Variants in PRKD3 observed in about 807,000 individuals in gnomAD.
PRKD3 encodes protein kinase D3, also known as serine/threonine-protein kinase D3.
PRKD3 carries 47 observed loss-of-function variants against 99.2 expected under a neutral mutation model. That is an observed-to-expected ratio of 0.47 (90% CI 0.38 to 0.60). The LOEUF is 0.60. PRKD3 is among the 20% of genes least tolerant of loss of function. The pLI is 0.00. For synonymous variants in PRKD3, 392 were observed against 355.4 expected (o/e 1.10, Z -1.16); for missense variants, 1,019 against 1,088.4 (o/e 0.94, Z 0.90).
chr2:37,318,584 G>C (rs1357409014), intron 1 of PRKD3, among the ~76,000 whole-genome samples: 1 of 152,156 alleles, frequency 6.6e-6, no homozygotes, highest in African/African-American at 2.4e-5. Context: ...TTGAGAAATC[G>C]CACAGAAAGA....
At chr2:37,278,901 A>G (rs1669703669) in intron 8 of PRKD3, 1 of 151,688 alleles carries the variant, frequency 6.6e-6, no homozygotes, top group Non-Finnish European at 1.5e-5. Flanking sequence ...GTGCCACTGC[A>G]CTACAGCCTG....
chr2:37,255,921 G>T (rs1004446049), intron 17 of PRKD3, among the ~76,000 whole-genome samples: 1 of 152,148 alleles, frequency 6.6e-6, no homozygotes, highest in African/African-American at 2.4e-5. Context: ...GGCTGAGGTG[G>T]GAGGATCACT....
Position 37,286,366 on chromosome 2 carries a change from G to C in PRKD3, c.721C>G (p.His241Asp), listed in dbSNP as rs1670094899. ...EYVALPSEESHVHQEPSKRIP... is the reference protein window; with the variant it reads ...EYVALPSEESDVHQEPSKRIP... ...CTCTTACTTGGTTCCTGGTGGACATGTGACTATAACATAAGTAATTTTCAT... is the reference window on the plus strand; with the variant it reads ...CTCTTACTTGGTTCCTGGTGGACATCTGACTATAACATAAGTAATTTTCAT... The change falls in exon 6 of 19, where the codon CAT becomes GAT. Residue 241 changes from histidine (H) to aspartate (D), a missense_variant. By Grantham distance (81) the His-to-Asp change is moderately conservative. Transcript: ENST00000234179. 1.2e-6 allele frequency: 2 copies of C among 1,613,220 alleles called. No individual in the cohort carries two copies. The highest frequency in any genetic ancestry group is 1.7e-6 in the Non-Finnish European group (2 of 1,179,262).
intron 1 of PRKD3, among the ~76,000 whole-genome samples, chr2:37,318,664 G>C (rs1671761470): frequency 2.6e-5 from 4 of 152,170 alleles, no homozygotes; most frequent in Admixed American, 2.6e-4. Context: ...AAGGCATTGA[G>C]AACTGAAACC....
chr2:37,281,187 G>C (rs1669841490), intron 7 of PRKD3, among the ~76,000 whole-genome samples: 1 of 152,058 alleles, frequency 6.6e-6, no homozygotes, highest in Non-Finnish European at 1.5e-5. Context: ...GATTACTAGT[G>C]AGTTTGAACA....
At chr2:37,298,409 T>TTG (rs1191856560) in intron 2 of PRKD3, among the ~76,000 whole-genome samples, 2 of 69,584 alleles carry the variant, frequency 2.9e-5, no homozygotes, top group African/African-American at 1.2e-4. Context: ...ATTAACAAAG[T>TTG]TATTTTTTTT....
intron 8 of PRKD3, chr2:37,278,723 G>C (rs1669694250): frequency 6.6e-6 from 1 of 152,234 alleles, no homozygotes; most frequent in Admixed American, 6.5e-5. Context: ...CAGATCACAA[G>C]GTCAAGAGAT....
chr2:37,301,218 C>G (rs1007316992), intron 2 of PRKD3, among the ~76,000 whole-genome samples: 2 of 151,984 alleles, frequency 1.3e-5, no homozygotes, highest in Non-Finnish European at 2.9e-5. Flanking sequence ...ATCAAAAAAC[C>G]ATAAACAAAA....
At chr2:37,267,375 A>G (rs914348555) in intron 14 of PRKD3, 55 bp downstream of exon 14, 20 of 1,244,746 alleles carry the variant, frequency 1.6e-5, no homozygotes, top group Middle Eastern at 2.8e-4. Flanking sequence ...GAAGCAGTTA[A>G]TTCAGATTCT....
Position 37,260,333 on chromosome 2 carries a change from C to CCAT in PRKD3, c.1935_1936insATG (p.Pro645_Glu646insMet). On this transcript the variant is annotated inframe_insertion, in exon 15 of 19. Transcript: ENST00000234179. Reference sequence around the variant, plus strand: ...TTTTCCATTACTACAAAGACTCGTTCTGGGGTTTCAAACATACATTCCAGG... The same window carrying CCAT: ...TTTTCCATTACTACAAAGACTCGTTCCATTGGGGTTTCAAACATACATTCCAGG... 6.2e-7 allele frequency: 1 copy of CCAT among 1,610,618 alleles called. No individual in the cohort carries two copies. Among genetic ancestry groups the CCAT allele is most frequent in the South Asian group, 1.1e-5 (1 of 90,984 alleles).
intron 1 of PRKD3, chr2:37,317,689 G>C (rs183149140): frequency 6.6e-6 from 1 of 152,076 alleles, no homozygotes; most frequent in Non-Finnish European, 1.5e-5. Flanking sequence ...CTTTCAGAAG[G>C]CTAAGGAAGC....
chr2:37,304,196 TAA>T (rs70949750), intron 2 of PRKD3, among the ~76,000 whole-genome samples: 4,356 of 93,884 alleles, frequency 0.046, 66 homozygotes, highest in Non-Finnish European at 0.064. Flanking sequence ...AGGTACTTAC[TAA>T]AAAAAAAAAA....
At chr2:37,289,569 G>A in intron 4 of PRKD3, 56 bp from the exon 5 acceptor site, 3 of 1,382,818 alleles carry the variant, frequency 2.2e-6, no homozygotes, top group Admixed American at 4.3e-5. Flanking sequence ...TACTATTTAA[G>A]TGTGATACAT....
chr2:37,306,148 T>A (rs948899843), intron 2 of PRKD3, among the ~76,000 whole-genome samples: 1 of 150,550 alleles, frequency 6.6e-6, no homozygotes, highest in Non-Finnish European at 1.5e-5. Context: ...GCATGAACAA[T>A]CACTGTAAGA....
In PRKD3 at chr2:37,317,017, A is replaced by T. The variant is rs2124904587; in HGVS notation, c.-493T>A. ...ACTAATTTGATAGGACACCTTCTCA[A>T]ATGTCCACACCTTAAATCACCTTCT... On this transcript the variant is annotated 5_prime_UTR_variant, in exon 2 of 19. It adds an upstream start codon to the 5' untranslated region. Transcript: ENST00000234179. 1.0e-6 allele frequency: 1 copy of T among 986,898 alleles called. No individual in the cohort carries two copies. The highest frequency in any genetic ancestry group is 6.1e-5 in the Admixed American group (1 of 16,464). 61.1% of individuals were successfully genotyped at this position (986,898 alleles called of 1,614,324 possible). A position where few individuals can be genotyped will look rare whatever the true frequency, so the allele number is the denominator to read the frequency against.
chr2:37,300,513 C>T (rs912352952), intron 2 of PRKD3, among the ~76,000 whole-genome samples: 9 of 152,096 alleles, frequency 5.9e-5, no homozygotes, highest in Middle Eastern at 3.2e-3. Flanking sequence ...TTCAAAATAA[C>T]TAGAAGAGTA....
At chr2:37,308,553 C>A (rs1243682221) in intron 2 of PRKD3, among the ~76,000 whole-genome samples, 2 of 123,766 alleles carry the variant, frequency 1.6e-5, no homozygotes, top group Non-Finnish European at 3.2e-5. Flanking sequence ...ACCCAGAGTT[C>A]AAGCGATTCT....
chr2:37,286,616 T>C (rs1250718065), intron 5 of PRKD3, among the ~76,000 whole-genome samples: 1 of 152,212 alleles, frequency 6.6e-6, no homozygotes, highest in Non-Finnish European at 1.5e-5. Context: ...ATATATTCAC[T>C]GATGATTATT....
intron 2 of PRKD3, among the ~76,000 whole-genome samples, chr2:37,297,991 A>G (rs1375841784): frequency 6.6e-6 from 1 of 152,330 alleles, no homozygotes; most frequent in South Asian, 2.1e-4. Flanking sequence ...AAGGTGGAGT[A>G]TCTACATAAA....
Sources: allele counts gnomAD v4.1 joint callset (sites outside exome capture counted in the v4.1 genomes callset), GRCh38; gene constraint gnomAD v4.1.1; transcripts MANE v1.5; gene names NCBI Gene and HGNC (gene_info 2026-07-23, HGNC 2026-07-21).